GFPT2: variants seen among roughly 807,000 people sequenced by gnomAD.
GFPT2 encodes the protein glutamine--fructose-6-phosphate aminotransferase [isomerizing] 2.
GFPT2 carries 62 observed loss-of-function variants against 85.6 expected under a neutral mutation model. The observed-to-expected ratio is 0.72, with a 90% CI of 0.59 to 0.90. GFPT2 has a LOEUF of 0.90. Among genes scored for constraint, GFPT2 ranks in the 40% least tolerant of loss-of-function variants. GFPT2 has a pLI of 0.00. For missense variants in GFPT2, 788 were observed against 893.4 expected, an observed-to-expected ratio of 0.88 and a Z score of 1.50; for synonymous variants, 368 against 344.5, an observed-to-expected ratio of 1.07 and a Z score of -0.75.
intron 1 of GFPT2, 87 bp downstream of exon 1, chr5:180,353,124 T>G: frequency 8.8e-7 from 1 of 1,135,680 alleles, no homozygotes; most frequent in Non-Finnish European, 1.1e-6. Flanking sequence ...CCTCGGCGCC[T>G]GCTTGCGGGC....
rs1764449665 is a variant in GFPT2 at position 180,338,604 on chromosome 5, T to C, written c.8-4A>G. ...TAGTTCATGTAGGCAAAGATTCCTG[T>C]TCAAAGAGAAAAAAATGGTGCATTC... is the stretch of plus-strand genomic sequence containing the variant. On this transcript the variant is annotated splice_region_variant and splice_polypyrimidine_tract_variant and intron_variant, in intron 1 of 18. Coordinates refer to ENST00000253778, the MANE Select transcript of GFPT2 (RefSeq NM_005110.4). The C allele has an allele frequency of 3.2e-6, 5 of 1,555,732 alleles. No individual in the cohort carries two copies. Among genetic ancestry groups the C allele is most frequent in the Non-Finnish European group, 4.4e-6 (5 of 1,128,976 alleles).
chr5:180,337,522 A>G (rs1306467284), intron 2 of GFPT2, among the ~76,000 whole-genome samples: 1 of 152,092 alleles, frequency 6.6e-6, no homozygotes, highest in African/African-American at 2.4e-5. Flanking sequence ...AAGAATATAA[A>G]ATTACAAAAT....
chr5:180,320,088 G>C (rs569545962), intron 9 of GFPT2, among the ~76,000 whole-genome samples: 1 of 152,120 alleles, frequency 6.6e-6, no homozygotes, highest in Non-Finnish European at 1.5e-5. Flanking sequence ...TGCCTCCCGG[G>C]TTCACGCCAT....
rs1037830028 is a variant in GFPT2, at chr5:180,347,051, C to T, written c.7+6160G>A. On this transcript the variant is annotated intron_variant, in intron 1 of 18. Transcript: ENST00000253778. ...AGTCTTATTTCTCACATTGAAGAGA[C>T]AGGGGATGGACCCAGCCAGGTGGGG... Among the ~76,000 whole-genome samples, 83 of 152,206 alleles carry T rather than the reference C, an allele frequency of 5.5e-4. 1 individual carries two copies. Among genetic ancestry groups the T allele is most frequent in the African/African-American group, 1.9e-3 (77 of 41,448 alleles).
chr5:180,322,962 G>T (rs1764148080), intron 9 of GFPT2, among the ~76,000 whole-genome samples: 1 of 150,710 alleles, frequency 6.6e-6, no homozygotes, highest in South Asian at 2.1e-4. Context: ...TTGAACCCAG[G>T]AGGCGGAGCT....
In GFPT2 at chr5:180,328,330, T is replaced by C. The variant is rs1292066420; in HGVS notation, c.543A>G (p.Ala181=). 1.2e-6 allele frequency: 2 copies of C among 1,612,766 alleles called. No individual in the cohort carries two copies. Among genetic ancestry groups the C allele is most frequent in the South Asian group, 1.1e-5 (1 of 91,050 alleles). ...GGACACTCTTGAAAACCAGCGCGAA[T>C]GCACCTTCCTGAAAACACACAAACA... ...VERVIQQLEG[A]FALVFKSVHY... The change falls in exon 7 of 19, where the codon GCA becomes GCG. Residue 181 remains alanine, a synonymous_variant. Coordinates refer to ENST00000253778, the MANE Select transcript of GFPT2 (RefSeq NM_005110.4). The surrounding 1 kb of genome is among the most constrained non-coding windows in gnomAD (Gnocchi z 5.4).
In GFPT2 at chr5:180,312,451, G is replaced by A. The variant is rs36046599; in HGVS notation, c.1525C>T (p.Arg509Cys). The A allele has an allele frequency of 2.5e-4, 406 of 1,595,700 alleles. No homozygotes were observed. Among genetic ancestry groups the A allele is most frequent in the Non-Finnish European group, 1.8e-4 (213 of 1,163,242 alleles). The stretch of plus-strand genomic sequence containing the variant: ...ATACCAGGTAAAGATCTCAAGCCAC[G>A]GATGATCTCTTGCCTCCTGTTTTGT... ...SLQNRRQEII[R>C]GLRSLPELIK... The change falls in exon 15 of 19, where the codon CGT (arginine) becomes TGT (cysteine). Residue 509 changes from arginine (R) to cysteine (C), a missense_variant. Physicochemically the swap from Arg to Cys is radical, Grantham distance 180. Transcript: ENST00000253778.
rs908445928 is a variant in GFPT2, at chr5:180,323,708, G to A, written c.794+480C>T. 6.6e-6 allele frequency among the ~76,000 whole-genome samples: 1 copy of A among 151,988 alleles called. No homozygotes were observed. Among genetic ancestry groups the A allele is most frequent in the Non-Finnish European group, 1.5e-5 (1 of 68,014 alleles). On this transcript the variant is annotated intron_variant, in intron 9 of 18. Transcript: ENST00000253778. The surrounding 1 kb of genome is among the most constrained non-coding windows in gnomAD (Gnocchi z 4.0). ...TGTCTTGGCTCTGTCTTTCACAAAT[G>A]GTCTCACCCCAGGCAAAGGCAGGGA...
Position 180,352,389 on chromosome 5 carries a change from G to A in GFPT2, c.7+822C>T, listed in dbSNP as rs895164561. The A allele has an allele frequency of 2.2e-5, 10 of 451,292 alleles. No homozygotes were observed. The Admixed American group carries it at 2.4e-4, about 11-fold the overall frequency. The allele number at this position is 451,292 out of a possible 1,614,324, so 28.0% of individuals were successfully genotyped here. A position where few individuals can be genotyped will look rare whatever the true frequency, so the allele number is the denominator to read the frequency against. ...ACAGTGACCTTTTGTCCCAGCAGAA[G>A]TTCCCGGCTCTCTCCCGGCCAGCGG... On this transcript the variant is annotated intron_variant, in intron 1 of 18. Coordinates refer to ENST00000253778, the MANE Select transcript of GFPT2 (RefSeq NM_005110.4).
chr5:180,351,443 A>G (rs1259793065), intron 1 of GFPT2, among the ~76,000 whole-genome samples: 1 of 151,966 alleles, frequency 6.6e-6, no homozygotes, highest in African/African-American at 2.4e-5. Context: ...CCAGCCCCAA[A>G]TCAGCAAATC....
At chr5:180,327,135 G>A (rs549826185) in intron 7 of GFPT2, among the ~76,000 whole-genome samples, 13 of 152,266 alleles carry the variant, frequency 8.5e-5, no homozygotes, top group South Asian at 6.2e-4. Context: ...CTCTCCGGCC[G>A]TCTCCCAGGC....
intron 2 of GFPT2, 121 bp from the exon 3 acceptor site, chr5:180,336,698 G>C (rs1412572937): frequency 1.3e-6 from 1 of 740,824 alleles, no homozygotes; most frequent in East Asian, 2.5e-5. Context: ...AGGTTGGAGA[G>C]CTGTACAGTT....
chr5:180,349,502 T>G (rs1213768612), intron 1 of GFPT2, among the ~76,000 whole-genome samples: 4 of 152,084 alleles, frequency 2.6e-5, no homozygotes, highest in Non-Finnish European at 4.4e-5. Context: ...AAGGTTTTTC[T>G]GAACTTGGGA....
chr5:180,334,071 C>A (rs1215244543), intron 4 of GFPT2, among the ~76,000 whole-genome samples: 1 of 152,196 alleles, frequency 6.6e-6, no homozygotes, highest in Admixed American at 6.5e-5. Context: ...GTCCTCAGCA[C>A]CATGGGGTCT....
At chr5:180,302,703 T>A in intron 17 of GFPT2, 119 bp from the exon 18 acceptor site, 2 of 734,600 alleles carry the variant, frequency 2.7e-6, no homozygotes, top group South Asian at 4.5e-5. Flanking sequence ...TTGCATTTGC[T>A]GGAGTCATGG....
intron 15 of GFPT2, among the ~76,000 whole-genome samples, chr5:180,309,483 T>C (rs150609126): frequency 1.3e-5 from 2 of 152,126 alleles, no homozygotes. Context: ...TGCAACGGCG[T>C]GATCTCAGCT....
chr5:180,316,819 C>T lies in GFPT2; in HGVS notation c.1097G>A (p.Arg366Gln), dbSNP rs193143625. 638 of 1,613,992 alleles carry T rather than the reference C, an allele frequency of 4.0e-4. 3 individuals carry two copies. The highest frequency in any genetic ancestry group is 2.3e-3 in the Middle Eastern group (14 of 6,062). The change falls in exon 12 of 19, where the codon CGA becomes CAA. Residue 366 changes from arginine (R) to glutamine (Q), a missense_variant. Coordinates refer to ENST00000253778, the MANE Select transcript of GFPT2 (RefSeq NM_005110.4). ...GLKDHLKEIR[R>Q]CRRLIVIGCG... is the part of the protein sequence containing the mutation. ...GCCAATCACGATGAGCCGTCGGCAT[C>T]GTCGAATCTCCTTCAAGTGGTCCTT...
intron 1 of GFPT2, among the ~76,000 whole-genome samples, chr5:180,349,597 G>A (rs1764672035): frequency 1.3e-5 from 2 of 152,126 alleles, no homozygotes. Flanking sequence ...GGCAGCCCCA[G>A]GAGCTGGGAG....
intron 1 of GFPT2, among the ~76,000 whole-genome samples, chr5:180,345,123 C>T (rs1010533763): frequency 1.3e-5 from 2 of 152,268 alleles, no homozygotes; most frequent in African/African-American, 2.4e-5. Flanking sequence ...TACAATAGTG[C>T]CTGCCACAGG....
Sources: allele counts gnomAD v4.1 joint callset (sites outside exome capture counted in the v4.1 genomes callset), GRCh38; gene constraint gnomAD v4.1.1; non-coding constraint Gnocchi (gnomAD v3.1); transcripts MANE v1.5; gene names NCBI Gene and HGNC (gene_info 2026-07-23, HGNC 2026-07-21).